HCN1: variants seen among roughly 807,000 people sequenced by gnomAD.
HCN1 encodes potassium/sodium hyperpolarization-activated cyclic nucleotide-gated channel 1.
Under a neutral mutation model 78.9 loss-of-function variants are expected in HCN1, and 13 were observed. The ratio of observed to expected loss-of-function variants is 0.16; its 90% CI spans 0.11 to 0.26. The LOEUF (loss-of-function observed/expected upper bound fraction) is 0.26. HCN1 is among the 10% of genes least tolerant of loss of function. The probability of loss-of-function intolerance (pLI) is 1.00; values close to 1 mark genes in which losing one functional copy is unlikely to be tolerated. For synonymous variants in HCN1, 552 were observed against 455.5 expected (o/e 1.21, Z -2.70); for missense variants, 810 against 1,154.3 (o/e 0.70, Z 4.32).
intron 2 of HCN1, among the ~76,000 whole-genome samples, chr5:45,582,311 GCTCT>G (rs965696297): frequency 1.6e-4 from 25 of 151,902 alleles, no homozygotes; most frequent in African/African-American, 1.9e-4. Context: ...TCATGATTTG[GCTCT>G]CTGTTTGTCT....
chr5:45,372,862 A>T (rs917204539), intron 4 of HCN1, among the ~76,000 whole-genome samples: 1 of 143,982 alleles, frequency 6.9e-6, no homozygotes, highest in South Asian at 2.1e-4. Context: ...TTCTATACAC[A>T]AAAATATGTA....
At chr5:45,504,729 G>C (rs1231001791) in intron 2 of HCN1, among the ~76,000 whole-genome samples, 1 of 152,184 alleles carries the variant, frequency 6.6e-6, no homozygotes, top group Non-Finnish European at 1.5e-5. Context: ...GTGTAAAAGT[G>C]TTCCTATTTC....
intron 2 of HCN1, among the ~76,000 whole-genome samples, chr5:45,519,730 G>GA (rs1198489948): frequency 6.6e-6 from 1 of 151,716 alleles, no homozygotes; most frequent in Non-Finnish European, 1.5e-5. Flanking sequence ...ACCTGTCTTG[G>GA]AAAATCTAAG....
At chr5:45,367,183 C>G (rs983167910) in intron 4 of HCN1, among the ~76,000 whole-genome samples, 1 of 151,600 alleles carries the variant, frequency 6.6e-6, no homozygotes, top group South Asian at 2.1e-4. Context: ...AGTTAAAAAT[C>G]GAGTCTTATT....
At chr5:45,372,498 A>C (rs1352251604) in intron 4 of HCN1, among the ~76,000 whole-genome samples, 1 of 128,484 alleles carries the variant, frequency 7.8e-6, no homozygotes, top group African/African-American at 2.9e-5. Flanking sequence ...TACATATAAA[A>C]ATATATAAAA....
At chr5:45,458,835 A>G (rs1182591735) in intron 3 of HCN1, among the ~76,000 whole-genome samples, 1 of 152,134 alleles carries the variant, frequency 6.6e-6, no homozygotes, top group Non-Finnish European at 1.5e-5. Context: ...ACCAAATAAG[A>G]TAGCATCCTT....
intron 1 of HCN1, among the ~76,000 whole-genome samples, chr5:45,670,817 A>G (rs1371490183): frequency 6.6e-6 from 1 of 151,762 alleles, no homozygotes; most frequent in Non-Finnish European, 1.5e-5. Context: ...CATGCAATAA[A>G]TTACAGTTAA....
At chr5:45,669,046 C>T (rs772177415) in intron 1 of HCN1, among the ~76,000 whole-genome samples, 1 of 151,772 alleles carries the variant, frequency 6.6e-6, no homozygotes, top group Non-Finnish European at 1.5e-5. Flanking sequence ...GAGAAAATTC[C>T]TCCTGTTCTA....
In HCN1 at chr5:45,622,753, A is replaced by G. The variant is rs1226305854; in HGVS notation, c.849+22432T>C. Among the ~76,000 whole-genome samples, 3 of 152,248 alleles carry G rather than the reference A, an allele frequency of 2.0e-5. No homozygotes were observed. The East Asian group carries it at 5.8e-4, about 29-fold the overall frequency. The stretch of plus-strand genomic sequence containing the variant: ...GGACTGAAGTTAGACTTTTCAGCTA[A>G]TGGAGAATCCATTTCTGAAATTAAA... On this transcript the variant is annotated intron_variant, in intron 2 of 7. Transcript: ENST00000303230.
At chr5:45,394,582 T>TA (rs1374798691) in intron 4 of HCN1, among the ~76,000 whole-genome samples, 1 of 152,156 alleles carries the variant, frequency 6.6e-6, no homozygotes, top group African/African-American at 2.4e-5. Flanking sequence ...TTACACTGAC[T>TA]AAAAAATGAG....
chr5:45,309,884 TAA>T (rs1561099061), intron 5 of HCN1, among the ~76,000 whole-genome samples: 7 of 152,172 alleles, frequency 4.6e-5, no homozygotes, highest in Non-Finnish European at 8.8e-5. Context: ...CCTCATAGAA[TAA>T]GTTAGGGAGG....
chr5:45,376,777 A>T (rs1167996909), intron 4 of HCN1, among the ~76,000 whole-genome samples: 1 of 151,822 alleles, frequency 6.6e-6, no homozygotes, highest in Non-Finnish European at 1.5e-5. Flanking sequence ...CATGTATTTT[A>T]TACATAGAAC....
chr5:45,281,636 G>A (rs1745170700), intron 6 of HCN1, among the ~76,000 whole-genome samples: 1 of 132,110 alleles, frequency 7.6e-6, no homozygotes, highest in Non-Finnish European at 1.5e-5. Flanking sequence ...TTGCCGGGCT[G>A]GAGTGCAGTG....
chr5:45,372,183 A>C (rs1279678314), intron 4 of HCN1, among the ~76,000 whole-genome samples: 1 of 62,756 alleles, frequency 1.6e-5, no homozygotes, highest in Admixed American at 2.9e-4. Context: ...ATATTATAAT[A>C]TAATACAATT....
intron 4 of HCN1, among the ~76,000 whole-genome samples, chr5:45,379,957 G>A (rs185397380): frequency 3.0e-4 from 45 of 151,886 alleles, no homozygotes; most frequent in Non-Finnish European, 4.4e-4. Context: ...GCATATTTAC[G>A]GTACAGATAT....
intron 2 of HCN1, among the ~76,000 whole-genome samples, chr5:45,625,868 C>G (rs1745154009): frequency 6.6e-6 from 1 of 151,972 alleles, no homozygotes; most frequent in Non-Finnish European, 1.5e-5. Flanking sequence ...TGATCATTCT[C>G]TAATATTAAA....
At chr5:45,428,087 A>T (rs1053729201) in intron 3 of HCN1, among the ~76,000 whole-genome samples, 1 of 151,920 alleles carries the variant, frequency 6.6e-6, no homozygotes, top group Admixed American at 6.6e-5. Flanking sequence ...ATGAACCTGT[A>T]TTCACTTCTA....
chr5:45,411,134 C>T (rs1366530634), intron 3 of HCN1, among the ~76,000 whole-genome samples: 1 of 152,010 alleles, frequency 6.6e-6, no homozygotes, highest in African/African-American at 2.4e-5. Flanking sequence ...ACATTTGAGT[C>T]TCTCTGTGTG....
chr5:45,627,568 A>AAC (rs1745193513), intron 2 of HCN1, among the ~76,000 whole-genome samples: 1 of 152,166 alleles, frequency 6.6e-6, no homozygotes, highest in Non-Finnish European at 1.5e-5. Context: ...CACAACCCTG[A>AAC]AATAACAGTA....
Sources: gnomAD v4.1 joint callset for allele counts (sites outside exome capture counted in the v4.1 genomes callset) on GRCh38, gnomAD v4.1.1 for gene constraint, MANE v1.5 for transcripts, NCBI Gene and HGNC (gene_info 2026-07-23, HGNC 2026-07-21) for gene names.